EPHX1: variants seen among roughly 807,000 people sequenced by gnomAD.
EPHX1 encodes epoxide hydrolase 1, also known as epoxide hydratase.
In EPHX1, 40 loss-of-function variants were observed where a neutral mutation model predicts 43.2. That is an observed-to-expected ratio of 0.93 (90% confidence interval 0.72 to 1.21). The LOEUF is 1.21. Ranked by LOEUF, EPHX1 falls within the 50% of genes most tolerant of loss-of-function variation. EPHX1 has a pLI of 0.00. For missense variants in EPHX1, 550 were observed against 570.4 expected, an observed-to-expected ratio of 0.96 and a Z score of 0.36; for synonymous variants, 221 against 226.7, an observed-to-expected ratio of 0.98 and a Z score of 0.22.
intron 5 of EPHX1, 80 bp from the exon 6 acceptor site, chr1:225,839,749 C>A: frequency 6.9e-7 from 1 of 1,448,608 alleles, no homozygotes; most frequent in Non-Finnish European, 9.7e-7. Flanking sequence ...AGCCCTGAGG[C>A]CTGTTCCTCC....
intron 7 of EPHX1, among the ~76,000 whole-genome samples, chr1:225,844,285 G>A (rs1023284618): frequency 2.0e-5 from 3 of 152,002 alleles, no homozygotes; most frequent in Admixed American, 6.6e-5. Context: ...AGGACCTTGG[G>A]GTGATAAGAG....
chr1:225,815,768 A>G (rs940108354), intron 1 of EPHX1, among the ~76,000 whole-genome samples: 1 of 152,164 alleles, frequency 6.6e-6, no homozygotes, highest in Non-Finnish European at 1.5e-5. Context: ...GCTCTGCTAG[A>G]TGAGACGGCA....
In EPHX1 at chr1:225,830,225, G is replaced by C. The variant is rs41357947; in HGVS notation, c.183+1313G>C. Among the ~76,000 whole-genome samples, 1,036 of 152,294 alleles carry C rather than the reference G, an allele frequency of 6.8e-3. 16 individuals carry two copies. Among genetic ancestry groups the C allele is most frequent in the African/African-American group, 0.024 (985 of 41,562 alleles). On this transcript the variant is annotated intron_variant, in intron 2 of 8. Coordinates refer to ENST00000272167, the MANE Select transcript of EPHX1 (RefSeq NM_001136018.4). ...GAGGCTCCCTGGGTAGGACTTGCTTGCTGCAGCCTTGCTATTTAGGGCCAA... is the reference window on the plus strand; with the variant it reads ...GAGGCTCCCTGGGTAGGACTTGCTTCCTGCAGCCTTGCTATTTAGGGCCAA...
At chr1:225,821,053 T>G (rs888080451) in intron 1 of EPHX1, among the ~76,000 whole-genome samples, 5 of 152,270 alleles carry the variant, frequency 3.3e-5, no homozygotes, top group Admixed American at 6.5e-5. Flanking sequence ...AAATAACTTC[T>G]TGGCACTTTA....
intron 1 of EPHX1, among the ~76,000 whole-genome samples, chr1:225,815,411 C>CTTT (rs5781415): frequency 0.013 from 1,045 of 78,134 alleles, no homozygotes; most frequent in Non-Finnish European, 0.019. Flanking sequence ...AGCTAATTTT[C>CTTT]TTTTTTTTTT....
intron 6 of EPHX1, among the ~76,000 whole-genome samples, chr1:225,840,544 T>C (rs1202060814): frequency 1.3e-5 from 2 of 152,164 alleles, no homozygotes; most frequent in African/African-American, 4.8e-5. Context: ...AAAGAAACAA[T>C]TCAAAGACAA....
At chr1:225,811,628 T>G (rs1666490104) in intron 1 of EPHX1, among the ~76,000 whole-genome samples, 1 of 152,264 alleles carries the variant, frequency 6.6e-6, no homozygotes, top group Non-Finnish European at 1.5e-5. Context: ...GAAGCCACAC[T>G]TCTCCAGAAA....
intron 1 of EPHX1, among the ~76,000 whole-genome samples, chr1:225,815,657 C>T (rs538144937): frequency 2.0e-5 from 3 of 152,286 alleles, no homozygotes; most frequent in Admixed American, 2.0e-4. Context: ...GAAACCTAAG[C>T]ATTGCCACAA....
rs968235823 is a variant in EPHX1, at chr1:225,839,718, C to T, written c.723-111C>T. ...CCAGTGGGGCCAGTGCTGAAAGAGGCTGGCTCTGTGCTCGCTCCTCAGCCC... is the reference window on the plus strand; with the variant it reads ...CCAGTGGGGCCAGTGCTGAAAGAGGTTGGCTCTGTGCTCGCTCCTCAGCCC... On this transcript the variant is annotated intron_variant, in intron 5 of 8. Coordinates refer to ENST00000272167, the MANE Select transcript of EPHX1 (RefSeq NM_001136018.4). 7 of 1,192,430 alleles carry T rather than the reference C, an allele frequency of 5.9e-6. No homozygotes were observed. In the African/African-American group the frequency reaches 6.0e-5, roughly 10 times the overall value. The allele number at this position is 1,192,430 out of a possible 1,614,324, so 73.9% of individuals were successfully genotyped here. A position where few individuals can be genotyped will look rare whatever the true frequency, so the allele number is the denominator to read the frequency against.
At chr1:225,827,914 A>AC (rs199974928) in intron 1 of EPHX1, among the ~76,000 whole-genome samples, 3 of 41,986 alleles carry the variant, frequency 7.1e-5, no homozygotes, top group African/African-American at 1.1e-4. Flanking sequence ...CCTCCCCATT[A>AC]CCCCGTCTGC....
At chr1:225,821,895 C>G (rs1410584940) in intron 1 of EPHX1, among the ~76,000 whole-genome samples, 2 of 152,086 alleles carry the variant, frequency 1.3e-5, no homozygotes, top group African/African-American at 4.8e-5. Flanking sequence ...ATTTGCTCTC[C>G]TGTATTTAAA....
Position 225,831,760 on chromosome 1 carries a change from G to A in EPHX1, c.184-19G>A, listed in dbSNP as rs559949219. 2.5e-6 allele frequency: 4 copies of A among 1,613,160 alleles called. No individual in the cohort carries two copies. In the South Asian group the frequency reaches 4.4e-5, roughly 18 times the overall value. On this transcript the variant is annotated intron_variant, in intron 2 of 8. Transcript: ENST00000272167. ...TCCTTCCCATCCCTCTCAACTTGGG[G>A]TCCTGAATTTTGCTCCAGGACTTAC...
At position 225,838,703 on chromosome 1, in the gene EPHX1, C is replaced by CTATG; in HGVS notation, c.414_415insTATG (p.His139TyrfsTer22). 3 of 1,614,168 alleles carry CTATG rather than the reference C, an allele frequency of 1.9e-6. No homozygotes were observed. The highest frequency in any genetic ancestry group is 2.5e-6 in the Non-Finnish European group (3 of 1,180,018). ...TGAAGCCCCCCCAGCTGCCCGCAGG[C>CTATG]CATACCCCGAAGCCCTTGCTGATGG... On this transcript the variant is annotated frameshift_variant, in exon 4 of 9. Coordinates refer to ENST00000272167, the MANE Select transcript of EPHX1 (RefSeq NM_001136018.4). LOFTEE classifies it high-confidence loss of function.
In EPHX1 at chr1:225,817,481, T is replaced by C. The variant is rs987635425; in HGVS notation, c.-6+7312T>C. Among the ~76,000 whole-genome samples the C allele has an allele frequency of 9.9e-5, 15 of 151,262 alleles. No homozygotes were observed. Among genetic ancestry groups the C allele is most frequent in the African/African-American group, 2.9e-4 (12 of 41,172 alleles). ...TCCCTTCGCCTTCCCCAGGGAGGAG[T>C]GATGAGGCTGGGGTGCTGGGGAGGG... On this transcript the variant is annotated intron_variant, in intron 1 of 8. Transcript: ENST00000272167. This position sits in a 1 kb window ranked among gnomAD's most constrained non-coding sequence, Gnocchi z 5.7.
chr1:225,819,975 G>A (rs191313537), intron 1 of EPHX1, among the ~76,000 whole-genome samples: 169 of 152,298 alleles, frequency 1.1e-3, no homozygotes, highest in African/African-American at 3.6e-3. Flanking sequence ...CGTATTTGCC[G>A]CAGCCACCAG....
intron 8 of EPHX1, 44 bp downstream of exon 8, chr1:225,844,667 G>T: frequency 6.2e-7 from 1 of 1,611,026 alleles, no homozygotes; most frequent in Non-Finnish European, 8.5e-7. Context: ...GAGGCTGGAG[G>T]CAGGGGGACG....
At chr1:225,839,385 G>A (rs1434364985) in intron 5 of EPHX1, 39 bp downstream of exon 5, 2 of 1,607,756 alleles carry the variant, frequency 1.2e-6, no homozygotes, top group African/African-American at 1.3e-5. Flanking sequence ...GTGTGTGTGT[G>A]TGTGTGTGTG....
chr1:225,829,595 G>A (rs1461899108), intron 2 of EPHX1, among the ~76,000 whole-genome samples: 1 of 152,120 alleles, frequency 6.6e-6, no homozygotes, highest in Non-Finnish European at 1.5e-5. Flanking sequence ...GGCTTGAGTG[G>A]GGGACAGGAC....
Position 225,828,713 on chromosome 1 carries a change from C to T in EPHX1, c.-5-12C>T, listed in dbSNP as rs1308013738. 2.5e-6 allele frequency: 4 copies of T among 1,610,282 alleles called. No homozygotes were observed. The highest frequency in any genetic ancestry group is 3.4e-6 in the Non-Finnish European group (4 of 1,178,788). On this transcript the variant is annotated splice_polypyrimidine_tract_variant and intron_variant, in intron 1 of 8. Coordinates refer to ENST00000272167, the MANE Select transcript of EPHX1 (RefSeq NM_001136018.4). ...CGGGCTCCGTTGTTAATGGCTTCCC[C>T]TCATCTTGCAGGAGCCATGTGGCTA...
Sources: allele counts gnomAD v4.1 joint callset (sites outside exome capture counted in the v4.1 genomes callset), GRCh38; gene constraint gnomAD v4.1.1; non-coding constraint Gnocchi (gnomAD v3.1); transcripts MANE v1.5; gene names NCBI Gene and HGNC (gene_info 2026-07-23, HGNC 2026-07-21).